Variants in CAMK4 observed in about 807,000 individuals in gnomAD.
CAMK4 encodes the protein calcium/calmodulin dependent protein kinase IV, also known as calcium/calmodulin-dependent protein kinase type IV.
A neutral mutation model predicts 44.9 loss-of-function variants in CAMK4; 22 were observed. The observed-to-expected ratio is 0.49, with a 90% CI of 0.35 to 0.70. The LOEUF (loss-of-function observed/expected upper bound fraction) is 0.70. Among genes scored for constraint, CAMK4 ranks in the 30% least tolerant of loss-of-function variants. CAMK4 has a pLI of 0.01. For missense variants in CAMK4, 498 were observed against 586.8 expected (o/e 0.85, Z 1.56); for synonymous variants, 218 against 215.4 (o/e 1.01, Z -0.11).
At chr5:111,247,461 T>G (rs990379694) in intron 1 of CAMK4, among the ~76,000 whole-genome samples, 34 of 148,640 alleles carry the variant, frequency 2.3e-4, no homozygotes, top group African/African-American at 7.8e-4. Flanking sequence ...TTCATAAAAT[T>G]TAAGAATGGT....
chr5:111,354,871 A>C (rs1054608989), intron 2 of CAMK4, among the ~76,000 whole-genome samples: 1 of 152,102 alleles, frequency 6.6e-6, no homozygotes, highest in Non-Finnish European at 1.5e-5. Flanking sequence ...TGCAGAATGG[A>C]GATTCCCTGC....
intron 1 of CAMK4, among the ~76,000 whole-genome samples, chr5:111,272,790 C>T (rs1230384319): frequency 1.3e-5 from 2 of 152,150 alleles, no homozygotes; most frequent in African/African-American, 2.4e-5. Flanking sequence ...CATCACTTCT[C>T]TGTATAATCC....
intron 2 of CAMK4, among the ~76,000 whole-genome samples, chr5:111,350,509 G>A (rs1320233814): frequency 1.3e-5 from 2 of 151,842 alleles, no homozygotes; most frequent in Non-Finnish European, 2.9e-5. Context: ...CCCATCCTGT[G>A]ACCTTCTACT....
intron 5 of CAMK4, among the ~76,000 whole-genome samples, chr5:111,424,433 T>TC (rs1753141549): frequency 7.6e-6 from 1 of 132,362 alleles, no homozygotes; most frequent in African/African-American, 2.9e-5. Context: ...CATCTTCTAT[T>TC]CTTTTTTTTT....
chr5:111,339,903 T>G (rs1289791222), intron 1 of CAMK4, among the ~76,000 whole-genome samples: 1 of 151,246 alleles, frequency 6.6e-6, no homozygotes, highest in Non-Finnish European at 1.5e-5. Flanking sequence ...ATTTCTTTTA[T>G]GCATGTTTAT....
chr5:111,356,314 T>C (rs1231639358), intron 2 of CAMK4, among the ~76,000 whole-genome samples: 2 of 151,732 alleles, frequency 1.3e-5, no homozygotes, highest in Non-Finnish European at 3.0e-5. Flanking sequence ...TTGAGAAGTG[T>C]CTGTTCATAT....
intron 1 of CAMK4, among the ~76,000 whole-genome samples, chr5:111,271,251 A>G (rs1750502995): frequency 6.6e-6 from 1 of 152,204 alleles, no homozygotes; most frequent in African/African-American, 2.4e-5. Context: ...GAATTTGGAT[A>G]AGCCATTTAT....
At chr5:111,480,798 T>C (rs1238480729) in intron 9 of CAMK4, among the ~76,000 whole-genome samples, 2 of 152,186 alleles carry the variant, frequency 1.3e-5, no homozygotes, top group Non-Finnish European at 2.9e-5. Context: ...AATAGTAATC[T>C]TATTTAGCCC....
intron 1 of CAMK4, among the ~76,000 whole-genome samples, chr5:111,318,324 A>G (rs924773578): frequency 2.6e-5 from 4 of 152,158 alleles, no homozygotes; most frequent in African/African-American, 7.2e-5. Flanking sequence ...TGCCTGTCCC[A>G]TAATTTGTCA....
intron 5 of CAMK4, among the ~76,000 whole-genome samples, chr5:111,443,305 CACACACACACTA>C (rs1753905334): frequency 1.5e-5 from 2 of 134,830 alleles, no homozygotes; most frequent in Admixed American, 7.7e-5. Context: ...CACACACACA[CACACACACACTA>C]TATATATATA....
In CAMK4 at chr5:111,488,827, CAATT is replaced by C. The variant is rs1755719887; in HGVS notation, c.*4365_*4368del. The C allele has an allele frequency of 6.6e-6, 1 of 152,132 alleles. No homozygotes were observed. The highest frequency in any genetic ancestry group is 1.5e-5 in the Non-Finnish European group (1 of 68,024). The allele number at this position is 152,132 out of a possible 1,614,324, so 9.4% of individuals were successfully genotyped here. On this transcript the variant is annotated 3_prime_UTR_variant, in exon 11 of 11. Transcript: ENST00000282356. ...AATTAACAAATATACATAGCAGAGT[CAATT>C]AATCATAGTGCCATTATGTCACTTA... is the stretch of plus-strand genomic sequence containing the variant.
chr5:111,414,931 A>C (rs1009932542), intron 5 of CAMK4, among the ~76,000 whole-genome samples: 5 of 152,194 alleles, frequency 3.3e-5, no homozygotes, highest in Non-Finnish European at 5.9e-5. Flanking sequence ...TCCCAAATTA[A>C]TGCTGTTAGA....
intron 9 of CAMK4, chr5:111,481,845 G>T (rs1297892617): frequency 6.6e-6 from 1 of 152,158 alleles, no homozygotes; most frequent in East Asian, 1.9e-4. Flanking sequence ...GCTGCTAAAA[G>T]ATTACATGAG....
At chr5:111,404,215 A>G (rs1752335259) in intron 5 of CAMK4, among the ~76,000 whole-genome samples, 1 of 152,232 alleles carries the variant, frequency 6.6e-6, no homozygotes, top group African/African-American at 2.4e-5. Flanking sequence ...TGCATGTTAC[A>G]TGTGACCCAT....
At chr5:111,408,206 G>A (rs1438791546) in intron 5 of CAMK4, among the ~76,000 whole-genome samples, 1 of 152,138 alleles carries the variant, frequency 6.6e-6, no homozygotes, top group Non-Finnish European at 1.5e-5. Flanking sequence ...CTTTTTATAA[G>A]TGTTTCCCTC....
At chr5:111,349,147 C>A (rs1389507508) in intron 2 of CAMK4, among the ~76,000 whole-genome samples, 1 of 151,934 alleles carries the variant, frequency 6.6e-6, no homozygotes, top group African/African-American at 2.4e-5. Context: ...CTGAAGAAGT[C>A]ATCAATTCCC....
chr5:111,397,960 A>G (rs1185416989), intron 5 of CAMK4, among the ~76,000 whole-genome samples: 4 of 152,016 alleles, frequency 2.6e-5, no homozygotes, highest in Non-Finnish European at 5.9e-5. Context: ...AGTGATCTCT[A>G]TTTGCTTATC....
At chr5:111,361,869 T>A (rs897278429) in intron 2 of CAMK4, among the ~76,000 whole-genome samples, 5 of 152,026 alleles carry the variant, frequency 3.3e-5, no homozygotes, top group African/African-American at 1.2e-4. Context: ...TTTTAGAAAA[T>A]TTTTTAGAAT....
Position 111,477,953 on chromosome 5 carries a change from C to G in CAMK4, c.702-428C>G, listed in dbSNP as rs1005751557. Among the ~76,000 whole-genome samples the G allele has an allele frequency of 2.6e-5, 4 of 152,030 alleles. No homozygotes were observed. The South Asian group carries it at 8.3e-4, about 31-fold the overall frequency. On this transcript the variant is annotated intron_variant, in intron 8 of 10. Transcript: ENST00000282356. ...TTACTCTCAAAATCCCAGCTCTTCC[C>G]TTTCACACTAAATTGGAAGTCTATT...
Sources: gnomAD v4.1 joint callset for allele counts (sites outside exome capture counted in the v4.1 genomes callset) on GRCh38, gnomAD v4.1.1 for gene constraint, MANE v1.5 for transcripts, NCBI Gene and HGNC (gene_info 2026-07-23, HGNC 2026-07-21) for gene names.